Variants in SMARCC1 observed in about 807,000 individuals in gnomAD.
The protein encoded by SMARCC1 is SWI/SNF related BAF chromatin remodeling complex subunit C1, also known as SWI/SNF complex subunit SMARCC1.
SMARCC1 carries 43 observed loss-of-function variants against 147.4 expected under a neutral mutation model. The observed-to-expected ratio is 0.29, with a 90% confidence interval of 0.23 to 0.38. The LOEUF (loss-of-function observed/expected upper bound fraction) is 0.38, where lower values mean the gene tolerates loss of function less well. SMARCC1 is among the 10% of genes least tolerant of loss of function. The pLI is 1.00. For missense variants in SMARCC1, 1,119 were observed against 1,381.1 expected (o/e 0.81, Z 3.01); for synonymous variants, 495 against 484.4 (o/e 1.02, Z -0.29).
chr3:47,608,849 T>TAAAAA (rs35698988), intron 26 of SMARCC1, among the ~76,000 whole-genome samples: 5 of 86,864 alleles, frequency 5.8e-5, no homozygotes, highest in African/African-American at 1.4e-4. Flanking sequence ...ACAGTGTCTT[T>TAAAAA]AAAAAAAAAA....
intron 19 of SMARCC1, 88 bp downstream of exon 19, chr3:47,670,570 C>A (rs1358976759): frequency 5.7e-6 from 5 of 879,678 alleles, no homozygotes; most frequent in East Asian, 2.4e-5. Flanking sequence ...GGTGACACAG[C>A]GAGACCCTGC....
chr3:47,621,298 C>CAAAAAA (rs1183934374), intron 25 of SMARCC1, among the ~76,000 whole-genome samples: 26 of 62,806 alleles, frequency 4.1e-4, no homozygotes, highest in South Asian at 1.2e-3. Flanking sequence ...GACTCCGTCT[C>CAAAAAA]AAAAAAAAAA....
In SMARCC1 at chr3:47,769,370, G is replaced by T. The variant is rs565297923; in HGVS notation, c.315+3447C>A. On this transcript the variant is annotated intron_variant, in intron 2 of 27. Coordinates refer to ENST00000254480, the MANE Select transcript of SMARCC1 (RefSeq NM_003074.4). ...TGTCTACTAGAAAATACAAAAATTA[G>T]CCGGGCGCAGTGGCAGGTGCCTGTA... 2.0e-4 allele frequency among the ~76,000 whole-genome samples: 30 copies of T among 151,904 alleles called. No homozygotes were observed. In the South Asian group the frequency reaches 6.3e-3, roughly 32 times the overall value.
intron 21 of SMARCC1, among the ~76,000 whole-genome samples, chr3:47,660,444 TAAAA>T (rs71070206): frequency 5.8e-4 from 39 of 67,346 alleles, no homozygotes; most frequent in Middle Eastern, 8.2e-3. Flanking sequence ...AGACTCTGTC[TAAAA>T]AAAAAAAAAA....
chr3:47,595,626 T>C (rs548769121), intron 26 of SMARCC1, among the ~76,000 whole-genome samples: 1 of 152,296 alleles, frequency 6.6e-6, no homozygotes, highest in African/African-American at 2.4e-5. Flanking sequence ...ACTCCCATTA[T>C]TACTGAGAGG....
chr3:47,746,213 G>A (rs570287181), intron 2 of SMARCC1: 6 of 377,662 alleles, frequency 1.6e-5, no homozygotes, highest in South Asian at 1.1e-4. Flanking sequence ...CTCTGGGAGC[G>A]TGAAACAGGA....
At chr3:47,679,712 A>G (rs2033617684) in intron 15 of SMARCC1, among the ~76,000 whole-genome samples, 1 of 152,036 alleles carries the variant, frequency 6.6e-6, no homozygotes, top group Admixed American at 6.6e-5. Flanking sequence ...AAATACAAAA[A>G]TTAGCCAGGT....
Position 47,662,538 on chromosome 3 carries a change from G to A in SMARCC1, c.1954C>T (p.Arg652Cys), listed in dbSNP as rs570056024. The change falls in exon 20 of 28, where the codon CGT (arginine) becomes TGT (cysteine). Residue 652 changes from arginine (R) to cysteine (C), a missense_variant. By Grantham distance (180) the Arg-to-Cys change is radical. Transcript: ENST00000254480. ...TGGAGGATGCATTCATCCTGAGTAC[G>A]ACTTCCAACATGTTCCGACACTTTG... Reference protein sequence around the residue: ...WNKVSEHVGSRTQDECILHFL... With the variant: ...WNKVSEHVGSCTQDECILHFL... 45 of 1,613,670 alleles carry A rather than the reference G, an allele frequency of 2.8e-5. No homozygotes were observed. The Admixed American group carries it at 4.3e-4, about 16-fold the overall frequency.
chr3:47,722,293 ATT>A (rs34260316), intron 6 of SMARCC1, among the ~76,000 whole-genome samples: 3 of 107,058 alleles, frequency 2.8e-5, no homozygotes, highest in Non-Finnish European at 1.8e-5. Context: ...ACAAATTTTG[ATT>A]TTTTTTTTTT....
intron 3 of SMARCC1, among the ~76,000 whole-genome samples, chr3:47,739,223 C>T (rs1383051526): frequency 6.6e-6 from 1 of 152,214 alleles, no homozygotes; most frequent in Non-Finnish European, 1.5e-5. Flanking sequence ...ATAAATATAA[C>T]AGCTTACTGT....
chr3:47,627,721 C>G (rs2032832323), intron 24 of SMARCC1, among the ~76,000 whole-genome samples: 1 of 152,080 alleles, frequency 6.6e-6, no homozygotes, highest in Non-Finnish European at 1.5e-5. Context: ...GGCCTCTAAG[C>G]ATCTTTTAGA....
intron 9 of SMARCC1, among the ~76,000 whole-genome samples, chr3:47,706,744 C>G (rs1375052441): frequency 6.6e-6 from 1 of 152,190 alleles, no homozygotes; most frequent in Non-Finnish European, 1.5e-5. Flanking sequence ...GAAATATCGG[C>G]TATCAGTTAT....
At chr3:47,692,563 A>G (rs188338655) in intron 12 of SMARCC1, among the ~76,000 whole-genome samples, 6 of 152,324 alleles carry the variant, frequency 3.9e-5, no homozygotes, top group Admixed American at 3.3e-4. Flanking sequence ...CACCTTCCCT[A>G]GTTTGTACAA....
At chr3:47,670,972 G>T (rs1226051834) in intron 18 of SMARCC1, among the ~76,000 whole-genome samples, 3 of 151,622 alleles carry the variant, frequency 2.0e-5, no homozygotes, top group African/African-American at 7.3e-5. Flanking sequence ...ATCACTTGAG[G>T]TCAGGAGTTC....
intron 9 of SMARCC1, among the ~76,000 whole-genome samples, chr3:47,708,100 T>C (rs868746261): frequency 0.014 from 1,670 of 116,678 alleles, 20 homozygotes; most frequent in South Asian, 0.023. Context: ...TTTTTTTTTT[T>C]TTTTTTTTTT....
At chr3:47,667,317 C>CAA (rs71070207) in intron 19 of SMARCC1, among the ~76,000 whole-genome samples, 6 of 131,794 alleles carry the variant, frequency 4.6e-5, no homozygotes, top group South Asian at 2.4e-4. Context: ...GACTCCGTCT[C>CAA]AAAAAAAAAA....
intron 2 of SMARCC1, 44 bp downstream of exon 2, chr3:47,772,773 C>T (rs375672026): frequency 2.5e-5 from 39 of 1,552,012 alleles, no homozygotes; most frequent in Non-Finnish European, 3.3e-5. Context: ...TAAAAGTATA[C>T]AGCAACTGAG....
intron 2 of SMARCC1, among the ~76,000 whole-genome samples, chr3:47,748,676 G>A (rs2034594174): frequency 6.6e-6 from 1 of 152,060 alleles, no homozygotes; most frequent in Non-Finnish European, 1.5e-5. Flanking sequence ...CATTATGAAG[G>A]TAAAAACAAT....
chr3:47,645,055 G>A (rs2033100500), intron 21 of SMARCC1, among the ~76,000 whole-genome samples: 2 of 152,114 alleles, frequency 1.3e-5, no homozygotes, highest in Non-Finnish European at 2.9e-5. Context: ...CAGGCTGGGT[G>A]TGGTGGTTCA....
Sources: gnomAD v4.1 joint callset for allele counts (sites outside exome capture counted in the v4.1 genomes callset) on GRCh38, gnomAD v4.1.1 for gene constraint, MANE v1.5 for transcripts, NCBI Gene and HGNC (gene_info 2026-07-23, HGNC 2026-07-21) for gene names.